GARNL3: variants seen among roughly 807,000 people sequenced by gnomAD.
GARNL3 encodes GTPase activating Rap/RanGAP domain like 3.
GARNL3 carries 63 observed loss-of-function variants against 125.0 expected under a neutral mutation model. The ratio of observed to expected loss-of-function variants is 0.50; its 90% CI spans 0.41 to 0.62. The LOEUF (loss-of-function observed/expected upper bound fraction) is 0.62, where lower values mean the gene tolerates loss of function less well. Among genes scored for constraint, GARNL3 ranks in the 20% least tolerant of loss-of-function variants. The pLI is 0.00. For missense variants in GARNL3, 994 were observed against 1,244.0 expected, an observed-to-expected ratio of 0.80 and a Z score of 3.02; for synonymous variants, 439 against 457.5, an observed-to-expected ratio of 0.96 and a Z score of 0.52.
chr9:127,297,536 G>A (rs983349877), intron 2 of GARNL3, among the ~76,000 whole-genome samples: 4 of 152,022 alleles, frequency 2.6e-5, no homozygotes, highest in Non-Finnish European at 5.9e-5. Flanking sequence ...AGCTATCTAT[G>A]AATTGAAACT....
At chr9:127,233,755 T>C (rs2063062383) in intron 1 of GARNL3, among the ~76,000 whole-genome samples, 1 of 152,194 alleles carries the variant, frequency 6.6e-6, no homozygotes, top group African/African-American at 2.4e-5. Context: ...TGAGAACAAA[T>C]TCGATGCCAA....
chr9:127,389,443 A>G (rs1302207088), intron 26 of GARNL3, among the ~76,000 whole-genome samples: 3 of 152,206 alleles, frequency 2.0e-5, no homozygotes, highest in Admixed American at 6.5e-5. Context: ...TTTCCTAGAA[A>G]GGTGTCTAGA....
At chr9:127,380,198 A>ATTGTG (rs1458335111) in intron 22 of GARNL3, among the ~76,000 whole-genome samples, 3 of 69,234 alleles carry the variant, frequency 4.3e-5, no homozygotes, top group Admixed American at 1.5e-4. Flanking sequence ...GTCTCAAAAA[A>ATTGTG]TATGTGTGTG....
At chr9:127,369,772 A>G (rs916835149) in intron 22 of GARNL3, among the ~76,000 whole-genome samples, 3 of 152,220 alleles carry the variant, frequency 2.0e-5, no homozygotes, top group African/African-American at 7.2e-5. Context: ...GCGGGATGTA[A>G]TAGCTACAGG....
intron 5 of GARNL3, 95 bp from the exon 6 acceptor site, chr9:127,320,620 A>C: frequency 1.3e-6 from 1 of 762,774 alleles, no homozygotes. Context: ...GTATCTTCTG[A>C]GTGTCAGGCC....
At chr9:127,373,333 C>G (rs186959384) in intron 22 of GARNL3, among the ~76,000 whole-genome samples, 14 of 152,182 alleles carry the variant, frequency 9.2e-5, no homozygotes, top group Admixed American at 9.2e-4. Context: ...TACATGAGCT[C>G]TGGGAACCAA....
intron 5 of GARNL3, 83 bp from the exon 6 acceptor site, chr9:127,320,632 T>C: frequency 1.1e-6 from 1 of 926,042 alleles, no homozygotes; most frequent in Non-Finnish European, 1.7e-6. Context: ...TGTCAGGCCC[T>C]TTAGGGAAAA....
intron 1 of GARNL3, among the ~76,000 whole-genome samples, chr9:127,227,228 C>G (rs146411652): frequency 2.8e-4 from 42 of 152,280 alleles, no homozygotes; most frequent in African/African-American, 8.9e-4. Flanking sequence ...CCAGAGTTTT[C>G]TTATTCTCTA....
At chr9:127,301,925 C>CTTTTTTTTTTT (rs754780368) in intron 2 of GARNL3, among the ~76,000 whole-genome samples, 1 of 45,396 alleles carries the variant, frequency 2.2e-5, no homozygotes, top group Non-Finnish European at 3.5e-5. Flanking sequence ...ATTGGGAGGA[C>CTTTTTTTTTTT]TTTTTTTTTT....
intron 2 of GARNL3, chr9:127,243,345 G>A: frequency 9.7e-7 from 1 of 1,026,628 alleles, no homozygotes; most frequent in African/African-American, 1.6e-5. Context: ...TTTTACTTCT[G>A]GGGGGATAGT....
chr9:127,343,315 A>G (rs1216608465), intron 14 of GARNL3, among the ~76,000 whole-genome samples: 1 of 152,158 alleles, frequency 6.6e-6, no homozygotes, highest in African/African-American at 2.4e-5. Flanking sequence ...TCAATTGGTA[A>G]TCTCTCAATT....
intron 2 of GARNL3, among the ~76,000 whole-genome samples, chr9:127,244,544 T>C (rs1412461361): frequency 6.6e-6 from 1 of 152,220 alleles, no homozygotes; most frequent in African/African-American, 2.4e-5. Flanking sequence ...CTCGTATTTT[T>C]ACAAAGCTCC....
chr9:127,274,683 G>A (rs775201009), intron 1 of GARNL3, among the ~76,000 whole-genome samples: 1 of 152,214 alleles, frequency 6.6e-6, no homozygotes, highest in Non-Finnish European at 1.5e-5. Context: ...TTTGACTCCA[G>A]TAGTCTTCAA....
chr9:127,342,553 A>C (rs887539748), intron 14 of GARNL3, among the ~76,000 whole-genome samples: 1 of 152,172 alleles, frequency 6.6e-6, no homozygotes, highest in African/African-American at 2.4e-5. Context: ...ATTTCCAGAA[A>C]GCCAGGGCCT....
chr9:127,353,337 A>G (rs1019045401), intron 17 of GARNL3, among the ~76,000 whole-genome samples: 7 of 152,206 alleles, frequency 4.6e-5, no homozygotes, highest in African/African-American at 1.7e-4. Flanking sequence ...GGGACATATT[A>G]GGGTAGAGTG....
At chr9:127,270,995 G>T (rs1336259431) in intron 1 of GARNL3, among the ~76,000 whole-genome samples, 1 of 150,128 alleles carries the variant, frequency 6.7e-6, no homozygotes, top group Non-Finnish European at 1.5e-5. Flanking sequence ...TGTGCTCAGG[G>T]TAGTGGGGTC....
At chr9:127,225,320 G>A (rs1353142720) in intron 1 of GARNL3, 4 of 983,960 alleles carry the variant, frequency 4.1e-6, no homozygotes, top group Non-Finnish European at 4.8e-6. Context: ...CGATGGAACC[G>A]GAGCCCGGCG....
At position 127,384,966 on chromosome 9, in the gene GARNL3, C is replaced by A. The variant is rs1832462208; in HGVS notation, c.2270-61C>A. The stretch of plus-strand genomic sequence containing the variant: ...GAAGTGAGTGTGACTATGACACAGT[C>A]ACAGCCCCTTCGCGGCCACCAAGCC... On this transcript the variant is annotated intron_variant, in intron 23 of 27. Transcript: ENST00000373387. This position sits in a 1 kb window ranked among gnomAD's most constrained non-coding sequence, Gnocchi z 4.0. 2.1e-6 allele frequency: 2 copies of A among 961,566 alleles called. No homozygotes were observed. The highest frequency in any genetic ancestry group is 3.3e-6 in the Non-Finnish European group (2 of 612,134). The allele number at this position is 961,566 out of a possible 1,614,324, so 59.6% of individuals were successfully genotyped here.
chr9:127,312,747 G>A (rs2065128742), intron 3 of GARNL3, among the ~76,000 whole-genome samples: 1 of 152,164 alleles, frequency 6.6e-6, no homozygotes, highest in Non-Finnish European at 1.5e-5. Context: ...ATTTGGCCAG[G>A]CAAAGTTTAT....
Sources: allele counts gnomAD v4.1 joint callset (sites outside exome capture counted in the v4.1 genomes callset), GRCh38; gene constraint gnomAD v4.1.1; non-coding constraint Gnocchi (gnomAD v3.1); transcripts MANE v1.5; gene names NCBI Gene and HGNC (gene_info 2026-07-23, HGNC 2026-07-21).